Variants in OCA2 observed in about 807,000 individuals in gnomAD.
The protein encoded by OCA2 is OCA2 melanosomal transmembrane protein, also known as P protein.
In OCA2, 77 loss-of-function variants were observed where a neutral mutation model predicts 100.2. That is an observed-to-expected ratio of 0.77 (90% CI 0.64 to 0.93). The LOEUF (loss-of-function observed/expected upper bound fraction) is 0.93, where lower values mean the gene tolerates loss of function less well. OCA2 is among the 40% of genes least tolerant of loss of function. OCA2 has a pLI of 0.00. For synonymous variants in OCA2, 432 were observed against 439.2 expected (o/e 0.98, Z 0.21); for missense variants, 1,062 against 1,089.1 (o/e 0.98, Z 0.35).
intron 23 of OCA2, among the ~76,000 whole-genome samples, chr15:27,762,755 G>A (rs953828093): frequency 6.6e-6 from 1 of 152,154 alleles, no homozygotes; most frequent in Non-Finnish European, 1.5e-5. Context: ...CAACCTTTCT[G>A]GGCCTAAGTC....
At chr15:27,965,303 A>T (rs2040529666) in intron 15 of OCA2, among the ~76,000 whole-genome samples, 1 of 152,228 alleles carries the variant, frequency 6.6e-6, no homozygotes, top group Non-Finnish European at 1.5e-5. Context: ...TACTTTGCAT[A>T]TATTAGTTGA....
intron 16 of OCA2, among the ~76,000 whole-genome samples, chr15:27,955,497 C>T (rs1412298598): frequency 1.3e-5 from 2 of 152,180 alleles, no homozygotes; most frequent in Non-Finnish European, 2.9e-5. Context: ...ACGAAAACCC[C>T]GCAGCAGTGC....
chr15:27,801,338 G>A (rs765074326), intron 23 of OCA2, among the ~76,000 whole-genome samples: 9 of 152,102 alleles, frequency 5.9e-5, no homozygotes, highest in African/African-American at 2.2e-4. Context: ...CAGATCACGA[G>A]GTCAAGAGAT....
intron 21 of OCA2, among the ~76,000 whole-genome samples, chr15:27,853,407 A>T (rs1473278280): frequency 1.7e-5 from 2 of 116,568 alleles, no homozygotes; most frequent in Admixed American, 1.1e-4. Flanking sequence ...GGAATATCAC[A>T]CTCTGGGGAC....
chr15:28,081,948 G>C, intron 1 of OCA2, 53 bp from the exon 2 acceptor site: 1 of 1,430,146 alleles, frequency 7.0e-7, no homozygotes. Context: ...TGAGACTAAC[G>C]TTTGCACCTT....
intron 23 of OCA2, among the ~76,000 whole-genome samples, chr15:27,834,150 C>A (rs146457539): frequency 4.7e-4 from 71 of 152,314 alleles, no homozygotes; most frequent in African/African-American, 1.5e-3. Context: ...TCCGTCCCCA[C>A]ACCAATCCTC....
In OCA2 at chr15:27,932,422, G is replaced by A. The variant is rs77084813; in HGVS notation, c.1952-6168C>T. Among the ~76,000 whole-genome samples the A allele has an allele frequency of 4.3e-3, 659 of 152,220 alleles. 4 individuals carry two copies. Among genetic ancestry groups the A allele is most frequent in the African/African-American group, 0.015 (636 of 41,532 alleles). On this transcript the variant is annotated intron_variant, in intron 18 of 23. Transcript: ENST00000354638. Reference sequence around the variant, plus strand: ...CCTGAGGAATAGGAGCAAAATCTGGGGAGAGTTTCTTTGTGAAACTGAGAT... The same window carrying A: ...CCTGAGGAATAGGAGCAAAATCTGGAGAGAGTTTCTTTGTGAAACTGAGAT...
chr15:27,793,560 A>G (rs1326579497), intron 23 of OCA2, among the ~76,000 whole-genome samples: 1 of 152,154 alleles, frequency 6.6e-6, no homozygotes, highest in Non-Finnish European at 1.5e-5. Context: ...CCTTGCTTTA[A>G]TCTTCTGTGG....
rs372893342 is a variant in OCA2 at position 28,054,880 on chromosome 15, C to T, written c.228-22717G>A. Among the ~76,000 whole-genome samples, 76 of 152,236 alleles carry T rather than the reference C, an allele frequency of 5.0e-4. No individual in the cohort carries two copies. In the East Asian group the frequency reaches 0.01, roughly 20 times the overall value. The stretch of plus-strand genomic sequence containing the variant: ...GGAGAAGCAAACATGTCCTTCTTCA[C>T]GTGGTGGGAGGAGAGAGAAGAATGA... On this transcript the variant is annotated intron_variant, in intron 2 of 23. Coordinates refer to ENST00000354638, the MANE Select transcript of OCA2 (RefSeq NM_000275.3).
intron 23 of OCA2, among the ~76,000 whole-genome samples, chr15:27,800,919 A>G (rs2033573671): frequency 9.6e-6 from 1 of 103,812 alleles, no homozygotes; most frequent in East Asian, 2.5e-4. Flanking sequence ...AGGAACCAAG[A>G]CTGCATCACT....
At chr15:27,823,642 T>A (rs2034590093) in intron 23 of OCA2, among the ~76,000 whole-genome samples, 1 of 152,208 alleles carries the variant, frequency 6.6e-6, no homozygotes, top group Non-Finnish European at 1.5e-5. Context: ...CTAGATACAA[T>A]CTAAATGACT....
At chr15:27,919,199 T>C (rs1305879041) in intron 19 of OCA2, among the ~76,000 whole-genome samples, 13 of 152,124 alleles carry the variant, frequency 8.5e-5, no homozygotes, top group Non-Finnish European at 2.9e-5. Context: ...TCCTGGAATA[T>C]ATGCTGAGGA....
At chr15:27,839,410 C>T (rs1162322434) in intron 23 of OCA2, among the ~76,000 whole-genome samples, 2 of 152,126 alleles carry the variant, frequency 1.3e-5, no homozygotes, top group Admixed American at 1.3e-4. Context: ...TAAAAGAAAA[C>T]AATACTTTTA....
chr15:27,925,052 G>A (rs1044860243), intron 19 of OCA2, among the ~76,000 whole-genome samples: 3 of 152,050 alleles, frequency 2.0e-5, no homozygotes, highest in African/African-American at 7.2e-5. Context: ...AATTATAAAA[G>A]TATATACACT....
At chr15:27,822,267 AC>A (rs1290302958) in intron 23 of OCA2, among the ~76,000 whole-genome samples, 1 of 152,194 alleles carries the variant, frequency 6.6e-6, no homozygotes, top group African/African-American at 2.4e-5. Flanking sequence ...CTATATTTGT[AC>A]TTTATGTAAT....
intron 23 of OCA2, among the ~76,000 whole-genome samples, chr15:27,794,399 A>G (rs2033233718): frequency 6.6e-6 from 1 of 152,164 alleles, no homozygotes; most frequent in Non-Finnish European, 1.5e-5. Flanking sequence ...GGAAATTTTG[A>G]GGCAGATTTT....
chr15:27,775,564 T>G (rs192936566), intron 23 of OCA2: 2 of 152,716 alleles, frequency 1.3e-5, no homozygotes, highest in Admixed American at 1.3e-4. Flanking sequence ...CCAGGCTCTG[T>G]GCAAACCCTG....
At chr15:27,959,855 C>T (rs1285442690) in intron 15 of OCA2, among the ~76,000 whole-genome samples, 6 of 152,182 alleles carry the variant, frequency 3.9e-5, no homozygotes, top group Admixed American at 1.3e-4. Flanking sequence ...GATCAACCCA[C>T]GCATTAATAC....
At chr15:27,729,438 C>G in the OCA2 span, among the ~76,000 whole-genome samples, 1 of 152,060 alleles carries the variant, frequency 6.6e-6, no homozygotes, top group Admixed American at 6.6e-5. Context: ...TCTCACTTCC[C>G]GGTTCCAAAA....
Sources: allele counts gnomAD v4.1 joint callset (sites outside exome capture counted in the v4.1 genomes callset), GRCh38; gene constraint gnomAD v4.1.1; transcripts MANE v1.5; gene names NCBI Gene and HGNC (gene_info 2026-07-23, HGNC 2026-07-21).